Variants in PPP1R16B observed in about 807,000 individuals in gnomAD.
PPP1R16B encodes the protein protein phosphatase 1 regulatory subunit 16B, also known as protein phosphatase 1 regulatory inhibitor subunit 16B.
Under a neutral mutation model 61.7 loss-of-function variants are expected in PPP1R16B, and 14 were observed. That is an observed-to-expected ratio of 0.23 (90% CI 0.15 to 0.35). The LOEUF is 0.35. PPP1R16B is among the 10% of genes least tolerant of loss of function. PPP1R16B has a pLI of 1.00. For synonymous variants in PPP1R16B, 266 were observed against 305.3 expected, an observed-to-expected ratio of 0.87 and a Z score of 1.34; for missense variants, 547 against 752.5, an observed-to-expected ratio of 0.73 and a Z score of 3.19.
At chr20:38,888,862 A>ACC (rs34905905) in intron 2 of PPP1R16B, among the ~76,000 whole-genome samples, 24,757 of 138,146 alleles carry the variant, frequency 0.18, 2,775 homozygotes, top group East Asian at 0.58. Flanking sequence ...CTCCCTGCCC[A>ACC]CCCAGAATCC....
intron 2 of PPP1R16B, among the ~76,000 whole-genome samples, chr20:38,857,201 G>A (rs1418773749): frequency 2.0e-5 from 3 of 152,192 alleles, no homozygotes. Context: ...TATATAGAAT[G>A]AGACAAAGAA....
chr20:38,879,872 G>A (rs208801), intron 2 of PPP1R16B, among the ~76,000 whole-genome samples: 111,711 of 152,156 alleles, frequency 0.73, 41,385 homozygotes, highest in South Asian at 0.84. Context: ...TGTCCTGGTG[G>A]TGCTAAGGGT....
At chr20:38,899,908 T>C (rs1361895491) in intron 4 of PPP1R16B, among the ~76,000 whole-genome samples, 1 of 151,988 alleles carries the variant, frequency 6.6e-6, no homozygotes, top group Non-Finnish European at 1.5e-5. Flanking sequence ...GCAATTCTCA[T>C]GCCTCAGCCT....
In PPP1R16B at chr20:38,907,602, G is replaced by C. The variant is rs1245036049; in HGVS notation, c.899-204G>C. ...AGCTTAGGAATTGTGACTGTGCCCA[G>C]AACCTGGGTTTCCCATTCTTATAAT... On this transcript the variant is annotated intron_variant, in intron 8 of 10. Coordinates refer to ENST00000299824, the MANE Select transcript of PPP1R16B (RefSeq NM_015568.4). This position sits in a 1 kb window ranked among gnomAD's most constrained non-coding sequence, Gnocchi z 4.5. Among the ~76,000 whole-genome samples, 1 of 152,140 alleles carries C rather than the reference G, an allele frequency of 6.6e-6. No homozygotes were observed. The highest frequency in any genetic ancestry group is 1.5e-5 in the Non-Finnish European group (1 of 68,026).
chr20:38,906,890 C>T (rs1435789701), intron 7 of PPP1R16B, 89 bp from the exon 8 acceptor site: 32 of 1,089,870 alleles, frequency 2.9e-5, no homozygotes, highest in Non-Finnish European at 4.3e-5. Flanking sequence ...CTTTGGGTCA[C>T]ATCCTAAGAG....
At chr20:38,863,262 G>A (rs1408655264) in intron 2 of PPP1R16B, among the ~76,000 whole-genome samples, 1 of 152,128 alleles carries the variant, frequency 6.6e-6, no homozygotes, top group Non-Finnish European at 1.5e-5. Flanking sequence ...AGATAACCCT[G>A]GTCTGACCGC....
chr20:38,886,018 C>T lies in PPP1R16B; in HGVS notation c.251-3577C>T, dbSNP rs745903409. Among the ~76,000 whole-genome samples, 29 of 152,214 alleles carry T rather than the reference C, an allele frequency of 1.9e-4. 1 individual carries two copies. Among genetic ancestry groups the T allele is most frequent in the Non-Finnish European group, 4.0e-4 (27 of 68,036 alleles). On this transcript the variant is annotated intron_variant, in intron 2 of 10. Transcript: ENST00000299824. ...CTTGAACTCCTGACCCCAAGTGATCCACATGCCTTGGCATCCCAAAGTGCT... is the reference window on the plus strand; with the variant it reads ...CTTGAACTCCTGACCCCAAGTGATCTACATGCCTTGGCATCCCAAAGTGCT...
At chr20:38,879,721 G>C (rs1391165612) in intron 2 of PPP1R16B, among the ~76,000 whole-genome samples, 2 of 152,204 alleles carry the variant, frequency 1.3e-5, no homozygotes, top group African/African-American at 4.8e-5. Context: ...CCAGATGTAA[G>C]TTACATGTGC....
intron 2 of PPP1R16B, chr20:38,838,154 CTGGGCT>C (rs2084884661): frequency 6.6e-6 from 1 of 152,326 alleles, no homozygotes; most frequent in East Asian, 1.9e-4. Flanking sequence ...GCCCCCTTCC[CTGGGCT>C]TGTTCAGAGG....
chr20:38,894,941 G>T (rs1020807968), intron 3 of PPP1R16B, among the ~76,000 whole-genome samples: 11 of 152,202 alleles, frequency 7.2e-5, no homozygotes, highest in Admixed American at 5.9e-4. Context: ...CTGTCTCCTC[G>T]CAGGGACTAT....
At chr20:38,822,111 T>G (rs929084258) in intron 1 of PPP1R16B, among the ~76,000 whole-genome samples, 6 of 151,442 alleles carry the variant, frequency 4.0e-5, no homozygotes, top group Non-Finnish European at 5.9e-5. Flanking sequence ...AAACTCAGTC[T>G]TTCTTGGGTG....
chr20:38,867,129 C>A (rs1425612048), intron 2 of PPP1R16B, among the ~76,000 whole-genome samples: 5 of 152,170 alleles, frequency 3.3e-5, no homozygotes, highest in Admixed American at 3.3e-4. Flanking sequence ...GTGGATAGAC[C>A]CCCTGTCCCC....
intron 2 of PPP1R16B, among the ~76,000 whole-genome samples, chr20:38,852,162 G>A (rs1011081233): frequency 6.6e-6 from 1 of 152,162 alleles, no homozygotes; most frequent in Admixed American, 6.5e-5. Flanking sequence ...AACAACTTTG[G>A]TGATTACCAT....
rs1270611108 is a variant in PPP1R16B at position 38,913,030 on chromosome 20, C to T, written c.1194+4837C>T. Among the ~76,000 whole-genome samples the T allele has an allele frequency of 4.5e-4, 68 of 152,092 alleles. 1 individual carries two copies. The highest frequency in any genetic ancestry group is 1.5e-5 in the Non-Finnish European group (1 of 68,032). On this transcript the variant is annotated intron_variant, in intron 10 of 10. Transcript: ENST00000299824. ...GACTACAGGCACCCGCCACCATGCC[C>T]AGCTAATTTTTGTGTTTTTTGGTAG...
intron 1 of PPP1R16B, among the ~76,000 whole-genome samples, chr20:38,807,110 G>A (rs560683661): frequency 1.3e-5 from 2 of 152,302 alleles, no homozygotes; most frequent in South Asian, 4.1e-4. Flanking sequence ...GGCTCTCCCT[G>A]GAAAGGGCCT....
At chr20:38,900,419 G>A (rs80202509) in intron 4 of PPP1R16B, among the ~76,000 whole-genome samples, 162 bp from the exon 5 acceptor site, 3,024 of 152,300 alleles carry the variant, frequency 0.02, 41 homozygotes, top group Middle Eastern at 0.058. Context: ...CTTGGGCTGT[G>A]TGTCAGGCAG....
chr20:38,898,068 T>C (rs1339035537), intron 4 of PPP1R16B, among the ~76,000 whole-genome samples: 1 of 152,260 alleles, frequency 6.6e-6, no homozygotes, highest in East Asian at 1.9e-4. Context: ...CCAAATCCAC[T>C]ATCATGGAGG....
At chr20:38,835,356 G>A (rs1319108261) in intron 1 of PPP1R16B, among the ~76,000 whole-genome samples, 1 of 152,148 alleles carries the variant, frequency 6.6e-6, no homozygotes, top group Non-Finnish European at 1.5e-5. Flanking sequence ...CACCCCTTCT[G>A]ATTCCAGCAC....
intron 1 of PPP1R16B, among the ~76,000 whole-genome samples, chr20:38,808,741 C>T (rs530840755): frequency 6.6e-6 from 1 of 152,192 alleles, no homozygotes; most frequent in Admixed American, 6.5e-5. Context: ...ATAGAAAGTG[C>T]TCAGTACTAG....
Sources: gnomAD v4.1 joint callset for allele counts (sites outside exome capture counted in the v4.1 genomes callset) on GRCh38, gnomAD v4.1.1 for gene constraint, Gnocchi (gnomAD v3.1) non-coding constraint, MANE v1.5 for transcripts, NCBI Gene and HGNC (gene_info 2026-07-23, HGNC 2026-07-21) for gene names.